Variants in SLC24A2 observed in about 807,000 individuals in gnomAD.
The protein encoded by SLC24A2 is solute carrier family 24 member 2.
In SLC24A2, 36 loss-of-function variants were observed where a neutral mutation model predicts 62.0. That is an observed-to-expected ratio of 0.58 (90% CI 0.44 to 0.77). SLC24A2 has a LOEUF of 0.77. Ranked by LOEUF, SLC24A2 falls within the 30% of genes least tolerant of loss-of-function variation. The pLI is 0.00. For synonymous variants in SLC24A2, 358 were observed against 294.0 expected (o/e 1.22, Z -2.23); for missense variants, 846 against 817.9 (o/e 1.03, Z -0.42).
chr9:20,254,394 A>C, the SLC24A2 span, among the ~76,000 whole-genome samples: 1 of 152,218 alleles, frequency 6.6e-6, no homozygotes. Flanking sequence ...GGAGCTGGGT[A>C]CTGGGAATAG....
At chr9:19,848,160 T>C in the SLC24A2 span, among the ~76,000 whole-genome samples, 1 of 125,626 alleles carries the variant, frequency 8.0e-6, no homozygotes, top group African/African-American at 2.5e-5. Flanking sequence ...ATACTAAACT[T>C]GTATAGAAGA....
intron 2 of SLC24A2, among the ~76,000 whole-genome samples, chr9:19,725,226 C>A (rs1197745390): frequency 1.3e-5 from 2 of 152,086 alleles, no homozygotes; most frequent in African/African-American, 4.8e-5. Context: ...TAATTCCCCC[C>A]ACAACAAAGA....
chr9:19,844,536 A>AT, the SLC24A2 span, among the ~76,000 whole-genome samples: 11 of 151,652 alleles, frequency 7.3e-5, no homozygotes, highest in East Asian at 3.9e-4. Flanking sequence ...CCATTTGTCA[A>AT]TTTTTTTTGT....
chr9:19,520,797 T>C, intron 10 of SLC24A2, 97 bp downstream of exon 10: 1 of 1,139,374 alleles, frequency 8.8e-7, no homozygotes, highest in Non-Finnish European at 1.3e-6. Context: ...TTGGTTAGTC[T>C]TAGGTTCAGA....
At chr9:20,100,025 T>C in the SLC24A2 span, among the ~76,000 whole-genome samples, 47 of 152,238 alleles carry the variant, frequency 3.1e-4, no homozygotes, top group Non-Finnish European at 6.0e-4. Flanking sequence ...ATTCATCTTT[T>C]TTTTTCTTTT....
chr9:19,636,260 CT>C (rs2118026623), intron 2 of SLC24A2, among the ~76,000 whole-genome samples: 1 of 52,760 alleles, frequency 1.9e-5, no homozygotes, highest in Non-Finnish European at 3.9e-5. Flanking sequence ...GTGTCCTTTT[CT>C]TTTCTTCTCT....
At chr9:20,067,401 T>G in the SLC24A2 span, among the ~76,000 whole-genome samples, 1 of 152,176 alleles carries the variant, frequency 6.6e-6, no homozygotes, top group Non-Finnish European at 1.5e-5. Context: ...GTTATTTTAA[T>G]TCTATGTCTG....
chr9:19,864,479 A>T, the SLC24A2 span, among the ~76,000 whole-genome samples: 5 of 152,054 alleles, frequency 3.3e-5, no homozygotes, highest in East Asian at 1.9e-4. Flanking sequence ...TTCAAATTTA[A>T]ATGTCACTTA....
chr9:20,252,013 C>A, the SLC24A2 span, among the ~76,000 whole-genome samples: 3 of 152,194 alleles, frequency 2.0e-5, no homozygotes, highest in African/African-American at 4.8e-5. Context: ...GGGTCACCTG[C>A]CCATTCCTAG....
chr9:20,229,708 G>T, the SLC24A2 span, among the ~76,000 whole-genome samples: 13 of 151,460 alleles, frequency 8.6e-5, no homozygotes, highest in Non-Finnish European at 1.8e-4. Flanking sequence ...TATTTTGTGT[G>T]ATTATTTTTC....
At chr9:19,683,472 A>G (rs76268233) in intron 2 of SLC24A2, among the ~76,000 whole-genome samples, 4,040 of 151,980 alleles carry the variant, frequency 0.027, 77 homozygotes, top group Non-Finnish European at 0.043. Context: ...GACCACACCT[A>G]GCCATTGTGA....
chr9:19,931,169 A>T, the SLC24A2 span, among the ~76,000 whole-genome samples: 1 of 152,224 alleles, frequency 6.6e-6, no homozygotes, highest in Non-Finnish European at 1.5e-5. Context: ...CAACAGATAC[A>T]AGACCATCCT....
the SLC24A2 span, among the ~76,000 whole-genome samples, chr9:20,271,303 CT>C: frequency 6.6e-6 from 1 of 152,228 alleles, no homozygotes; most frequent in Admixed American, 6.5e-5. Context: ...GCATGTCTGA[CT>C]GTAGATGTCA....
intron 2 of SLC24A2, among the ~76,000 whole-genome samples, chr9:19,652,098 T>C (rs1285652202): frequency 5.9e-5 from 9 of 152,210 alleles, no homozygotes; most frequent in Non-Finnish European, 1.0e-4. Flanking sequence ...TGAATCTTTA[T>C]TGTTAAAGCT....
At chr9:19,961,023 G>GGGGT in the SLC24A2 span, among the ~76,000 whole-genome samples, 30 of 141,718 alleles carry the variant, frequency 2.1e-4, no homozygotes, top group East Asian at 6.1e-4. Flanking sequence ...TAGAGGGGTG[G>GGGGT]GTGTGTGTGT....
the SLC24A2 span, among the ~76,000 whole-genome samples, chr9:20,264,309 A>T: frequency 1.5e-4 from 23 of 152,210 alleles, no homozygotes; most frequent in African/African-American, 5.5e-4. Flanking sequence ...CTTGTAAAGT[A>T]CTTGGAACAA....
the SLC24A2 span, among the ~76,000 whole-genome samples, chr9:20,018,447 T>C: frequency 0.39 from 59,422 of 152,016 alleles, 12,864 homozygotes; most frequent in Non-Finnish European, 0.5. Flanking sequence ...TGATCATCTC[T>C]AGGTGGAGAT....
rs72153360 is a variant in SLC24A2, at chr9:19,731,516, C to CTCTCTCCGTGTGT, written c.930+54420_930+54421insACACACGGAGAGA. Among the ~76,000 whole-genome samples the CTCTCTCCGTGTGT allele has an allele frequency of 5.3e-5, 6 of 113,824 alleles. No individual in the cohort carries two copies. The East Asian group carries it at 1.9e-3, about 35-fold the overall frequency. The allele number at this position is 113,824 out of a possible 152,430, so 74.7% of individuals were successfully genotyped here. A position where few individuals can be genotyped will look rare whatever the true frequency, so the allele number is the denominator to read the frequency against. ...ACTTGTTTCTCTCTCTCTCTCTCTC[C>CTCTCTCCGTGTGT]GTGTGTGTGTGTGTGTGTGTGTGTG... On this transcript the variant is annotated intron_variant, in intron 2 of 10. Transcript: ENST00000341998.
At chr9:19,566,657 GCACGTATGTTTATTGTGGCACTATT>G (rs1368349166) in intron 7 of SLC24A2, among the ~76,000 whole-genome samples, 1 of 151,934 alleles carries the variant, frequency 6.6e-6, no homozygotes, top group African/African-American at 2.4e-5. Flanking sequence ...AAAGGCACAT[GCACGTATGTTTATTGTGGCACTATT>G]CACAATAGCA....
Sources: gnomAD v4.1 joint callset for allele counts (sites outside exome capture counted in the v4.1 genomes callset) on GRCh38, gnomAD v4.1.1 for gene constraint, MANE v1.5 for transcripts, NCBI Gene and HGNC (gene_info 2026-07-23, HGNC 2026-07-21) for gene names.